The following TSPAN33 variants were observed in gnomAD, a reference collection of about 807,000 sequenced individuals.
TSPAN33 encodes tetraspanin-33.
A neutral mutation model predicts 34.8 loss-of-function variants in TSPAN33; 27 were observed. The observed-to-expected ratio is 0.78, with a 90% CI of 0.57 to 1.07. The LOEUF (loss-of-function observed/expected upper bound fraction) is 1.07. Among genes scored for constraint, TSPAN33 ranks in the 50% least tolerant of loss-of-function variants. The pLI is 0.00. For missense variants in TSPAN33, 272 were observed against 324.9 expected, an observed-to-expected ratio of 0.84 and a Z score of 1.25; for synonymous variants, 119 against 124.2, an observed-to-expected ratio of 0.96 and a Z score of 0.28.
In TSPAN33 at chr7:129,159,195, G is replaced by T. The variant is rs138994637; in HGVS notation, c.103-2484G>T. On this transcript the variant is annotated intron_variant, in intron 1 of 7. Transcript: ENST00000486685. ...CCTGCCTCAGCCTCCCAAGTAGCTG[G>T]GACTACAAGTGTGTGCCACCATGTC... 3.5e-3 allele frequency among the ~76,000 whole-genome samples: 538 copies of T among 151,752 alleles called. 6 individuals are homozygous for T. Among genetic ancestry groups the T allele is most frequent in the African/African-American group, 0.012 (513 of 41,326 alleles).
intron 1 of TSPAN33, among the ~76,000 whole-genome samples, chr7:129,157,944 C>G (rs1474753835): frequency 6.6e-6 from 1 of 152,182 alleles, no homozygotes; most frequent in African/African-American, 2.4e-5. Flanking sequence ...GCCAGAAGGC[C>G]AAAACAGGTT....
At chr7:129,158,287 G>A (rs1411690438) in intron 1 of TSPAN33, among the ~76,000 whole-genome samples, 6 of 152,316 alleles carry the variant, frequency 3.9e-5, no homozygotes, top group East Asian at 1.9e-4. Flanking sequence ...CAATTAAGAC[G>A]TGGACATCTT....
intron 4 of TSPAN33, among the ~76,000 whole-genome samples, chr7:129,163,229 T>C (rs564716435): frequency 6.6e-6 from 1 of 151,690 alleles, no homozygotes; most frequent in South Asian, 2.1e-4. Flanking sequence ...ACTGACAATA[T>C]GAAGAGCCTC....
chr7:129,168,019 A>T lies in TSPAN33; in HGVS notation c.*145A>T. The T allele has an allele frequency of 6.8e-7, 1 of 1,462,980 alleles. No homozygotes were observed. The highest frequency in any genetic ancestry group is 9.0e-7 in the Non-Finnish European group (1 of 1,109,994). The allele number at this position is 1,462,980 out of a possible 1,614,324, so 90.6% of individuals were successfully genotyped here. On this transcript the variant is annotated 3_prime_UTR_variant, in exon 8 of 8. Transcript: ENST00000486685. ...GGGAAGAAGCAAACTCCAGATGGGC[A>T]GAAGGCAGGGTGCACAGGTGGCTCC...
At chr7:129,163,416 TG>T (rs1258105255) in intron 4 of TSPAN33, among the ~76,000 whole-genome samples, 2 of 150,330 alleles carry the variant, frequency 1.3e-5, no homozygotes, top group East Asian at 4.0e-4. Context: ...CTTGAACTCC[TG>T]GGCTCAAGTG....
chr7:129,165,802 C>CAG lies in TSPAN33; in HGVS notation c.460-975_460-974dup, dbSNP rs1793130070. 6.6e-6 allele frequency among the ~76,000 whole-genome samples: 1 copy of CAG among 152,088 alleles called. No individual in the cohort carries two copies. ...GCGCACACCTGTAGTCCCAGCTACT[C>CAG]AGGAGGCTGAGGTGCGAGAATAGCT... On this transcript the variant is annotated intron_variant, in intron 5 of 7. Transcript: ENST00000486685. This position sits in a 1 kb window ranked among gnomAD's most constrained non-coding sequence, Gnocchi z 4.5.
At chr7:129,145,517 AC>A (rs1383329354) in intron 1 of TSPAN33, among the ~76,000 whole-genome samples, 1 of 152,024 alleles carries the variant, frequency 6.6e-6, no homozygotes, top group Non-Finnish European at 1.5e-5. Flanking sequence ...AGGATGGGTT[AC>A]TGGCATCATC....
intron 1 of TSPAN33, among the ~76,000 whole-genome samples, chr7:129,156,352 C>T (rs1810664543): frequency 6.6e-6 from 1 of 152,214 alleles, no homozygotes; most frequent in African/African-American, 2.4e-5. Context: ...TCAGGTTCCT[C>T]CGCTGTAGAG....
chr7:129,145,299 G>T (rs1041224198), intron 1 of TSPAN33, among the ~76,000 whole-genome samples: 3 of 152,062 alleles, frequency 2.0e-5, no homozygotes, highest in Non-Finnish European at 4.4e-5. Context: ...AAAGACTGAT[G>T]GGTATTCTCG....
chr7:129,164,694 T>C (rs1449005075), intron 5 of TSPAN33, 125 bp downstream of exon 5: 5 of 888,640 alleles, frequency 5.6e-6, no homozygotes, highest in African/African-American at 4.9e-5. Flanking sequence ...GGGAAGGGGT[T>C]TGGCAAAAAA....
At chr7:129,160,786 A>G (rs920204478) in intron 1 of TSPAN33, among the ~76,000 whole-genome samples, 3 of 152,244 alleles carry the variant, frequency 2.0e-5, no homozygotes, top group African/African-American at 7.2e-5. Context: ...GCAACCGCCC[A>G]GGCCTGCTTT....
chr7:129,168,848 G>A lies in TSPAN33; in HGVS notation c.*974G>A, dbSNP rs1793184015. ...TGACCTGGGCTACGCGGGACTCCAT[G>A]AATTTTCCATTCTGGCAACTGGAAG... On this transcript the variant is annotated 3_prime_UTR_variant, in exon 8 of 8. Transcript: ENST00000486685. 1 of 115,880 alleles carries A rather than the reference G, an allele frequency of 8.6e-6. No homozygotes were observed. The highest frequency in any genetic ancestry group is 2.4e-4 in the East Asian group (1 of 4,192). The allele number at this position is 115,880 out of a possible 1,614,324, so 7.2% of individuals were successfully genotyped here. A position where few individuals can be genotyped will look rare whatever the true frequency, so the allele number is the denominator to read the frequency against.
chr7:129,147,732 G>A (rs1017382952), intron 1 of TSPAN33, among the ~76,000 whole-genome samples: 1 of 152,188 alleles, frequency 6.6e-6, no homozygotes, highest in Non-Finnish European at 1.5e-5. Context: ...TTGTGTCTGT[G>A]CCTGGAACCC....
chr7:129,161,809 C>A, intron 2 of TSPAN33, 73 bp downstream of exon 2: 1 of 1,587,250 alleles, frequency 6.3e-7, no homozygotes, highest in Non-Finnish European at 8.6e-7. Context: ...TTCAGCCTGG[C>A]CCTCACACAT....
chr7:129,166,942 G>A (rs755350519), intron 6 of TSPAN33, 36 bp downstream of exon 6: 6 of 1,600,982 alleles, frequency 3.7e-6, no homozygotes, highest in Non-Finnish European at 4.3e-6. Context: ...CTCCTAGGCA[G>A]CGAGCTGAGT....
At chr7:129,162,745 G>A (rs1332467111) in intron 3 of TSPAN33, 88 bp from the exon 4 acceptor site, 1 of 1,496,530 alleles carries the variant, frequency 6.7e-7, no homozygotes, top group Non-Finnish European at 9.1e-7. Context: ...TGGGAGAATT[G>A]CCTGGCAGCT....
intron 2 of TSPAN33, 93 bp downstream of exon 2, chr7:129,161,829 GGCTAAAGGAGGCAGCCTCCCTGGA>G: frequency 6.6e-7 from 1 of 1,508,212 alleles, no homozygotes. Context: ...TAAGCTATGG[GGCTAAAGGAGGCAGCCTCCCTGGA>G]GCCAAATCTT....
chr7:129,163,502 T>A (rs2694581), intron 4 of TSPAN33, among the ~76,000 whole-genome samples: 1 of 152,090 alleles, frequency 6.6e-6, no homozygotes. Context: ...TAAAAGGTTT[T>A]GAACAATGCT....
intron 1 of TSPAN33, among the ~76,000 whole-genome samples, chr7:129,158,955 T>C (rs1420704973): frequency 1.3e-5 from 2 of 151,818 alleles, no homozygotes; most frequent in African/African-American, 4.8e-5. Context: ...TTCACCATGT[T>C]GGCCAGGATG....
Sources: allele counts gnomAD v4.1 joint callset (sites outside exome capture counted in the v4.1 genomes callset), GRCh38; gene constraint gnomAD v4.1.1; non-coding constraint Gnocchi (gnomAD v3.1); transcripts MANE v1.5; gene names NCBI Gene and HGNC (gene_info 2026-07-23, HGNC 2026-07-21).